CBLL1: variants seen among roughly 807,000 people sequenced by gnomAD.
The protein encoded by CBLL1 is Cbl proto-oncogene like 1, also known as E3 ubiquitin-protein ligase Hakai.
In CBLL1, 4 loss-of-function variants were observed where a neutral mutation model predicts 44.9. That is an observed-to-expected ratio of 0.09 (90% CI 0.04 to 0.20). The LOEUF (loss-of-function observed/expected upper bound fraction) is 0.20, where lower values mean the gene tolerates loss of function less well. CBLL1 is among the 10% of genes least tolerant of loss of function. The probability of loss-of-function intolerance (pLI) is 1.00; values close to 1 mark genes in which losing one functional copy is unlikely to be tolerated. For missense variants in CBLL1, 569 were observed against 636.7 expected (o/e 0.89, Z 1.14); for synonymous variants, 235 against 202.2 (o/e 1.16, Z -1.38).
chr7:107,749,010 A>C lies in CBLL1; in HGVS notation c.144A>C (p.Ile48=), dbSNP rs1047414566. 1.9e-6 allele frequency: 3 copies of C among 1,614,086 alleles called. No individual in the cohort carries two copies. Among genetic ancestry groups the C allele is most frequent in the African/African-American group, 2.7e-5 (2 of 74,948 alleles). ...AKPAPRTQRT[I]NRMPAKAPPG... ...CTGCACCGCGAACTCAAAGAACTATAAACAGGATGCCTGCAAAGGCTCCAC... is the reference window on the plus strand; with the variant it reads ...CTGCACCGCGAACTCAAAGAACTATCAACAGGATGCCTGCAAAGGCTCCAC... The change falls in exon 2 of 6, where the codon ATA becomes ATC. Residue 48 remains isoleucine (I), a synonymous_variant. Transcript: ENST00000440859.
rs3216898 is a variant in CBLL1, at chr7:107,752,446, CTGTGTG to C, written c.182-951_182-946del. On this transcript the variant is annotated intron_variant, in intron 2 of 5. Coordinates refer to ENST00000440859, the MANE Select transcript of CBLL1 (RefSeq NM_024814.4). ...TGTGTGTTAATGTGAATGTGTCTCT[CTGTGTG>C]TGTGTGTGTGTGTCTGTGTCTGTGT... 15 of 400,840 alleles carry C rather than the reference CTGTGTG, an allele frequency of 3.7e-5. No homozygotes were observed. In the East Asian group the frequency reaches 6.2e-4, roughly 17 times the overall value. The allele number at this position is 400,840 out of a possible 1,614,324, so 24.8% of individuals were successfully genotyped here.
intron 2 of CBLL1, among the ~76,000 whole-genome samples, chr7:107,750,718 G>C (rs940633484): frequency 2.0e-5 from 3 of 152,188 alleles, no homozygotes; most frequent in Admixed American, 6.5e-5. Flanking sequence ...TCTTACCCTT[G>C]ATTACAGGTT....
intron 2 of CBLL1, chr7:107,752,446 C>CTGTGTGTG (rs3216898): frequency 2.5e-6 from 1 of 400,728 alleles, no homozygotes; most frequent in Non-Finnish European, 4.6e-6. Context: ...ATGTGTCTCT[C>CTGTGTGTG]TGTGTGTGTG....
At chr7:107,746,611 A>G (rs755966842) in intron 1 of CBLL1, among the ~76,000 whole-genome samples, 4 of 152,264 alleles carry the variant, frequency 2.6e-5, no homozygotes, top group African/African-American at 9.6e-5. Context: ...TAATTGAAGA[A>G]TCATGACAGG....
intron 1 of CBLL1, among the ~76,000 whole-genome samples, chr7:107,746,340 G>T (rs1392400872): frequency 3.9e-5 from 6 of 152,144 alleles, no homozygotes; most frequent in Non-Finnish European, 5.9e-5. Context: ...TCACGAATGA[G>T]CTGACCACTT....
At chr7:107,757,027 A>G (rs1793556489) in intron 5 of CBLL1, among the ~76,000 whole-genome samples, 1 of 152,202 alleles carries the variant, frequency 6.6e-6, no homozygotes, top group Non-Finnish European at 1.5e-5. Flanking sequence ...CCAGATGGCC[A>G]CTAAAGGGAA....
Position 107,747,744 on chromosome 7 carries a change from T to C in CBLL1, c.14-1136T>C, listed in dbSNP as rs1407869921. On this transcript the variant is annotated intron_variant, in intron 1 of 5. Coordinates refer to ENST00000440859, the MANE Select transcript of CBLL1 (RefSeq NM_024814.4). ...TGTTTGGTATTTTGTTCAGAAAAAG[T>C]GCAAATGAATGTGAACTTATTGTGT... Among the ~76,000 whole-genome samples the C allele has an allele frequency of 3.3e-5, 5 of 152,314 alleles. No individual in the cohort carries two copies. In the East Asian group the frequency reaches 9.6e-4, roughly 29 times the overall value.
intron 1 of CBLL1, among the ~76,000 whole-genome samples, chr7:107,748,117 T>G (rs1218924966): frequency 6.6e-6 from 1 of 152,118 alleles, no homozygotes; most frequent in Non-Finnish European, 1.5e-5. Context: ...AAGAATTAAT[T>G]TATTCTATAG....
chr7:107,755,739 CAA>C (rs979800543), intron 5 of CBLL1: 1 of 260,202 alleles, frequency 3.8e-6, no homozygotes, highest in African/African-American at 2.2e-5. Flanking sequence ...TTATTATAAA[CAA>C]AAAAGTTACT....
At chr7:107,757,406 T>C (rs1435374913) in intron 5 of CBLL1, among the ~76,000 whole-genome samples, 4 of 152,156 alleles carry the variant, frequency 2.6e-5, no homozygotes, top group African/African-American at 9.7e-5. Flanking sequence ...TTCAGATTCC[T>C]ATTTCAGTCC....
In CBLL1 at chr7:107,759,166, G is replaced by A. The variant is rs368699284; in HGVS notation, c.1464G>A (p.Pro488=). The A allele has an allele frequency of 2.1e-5, 34 of 1,596,662 alleles. 1 individual carries two copies. The highest frequency in any genetic ancestry group is 1.5e-4 in the African/African-American group (11 of 74,274). The change falls in exon 6 of 6, where the codon CCG becomes CCA. Residue 488 remains proline (P), a synonymous_variant. Transcript: ENST00000440859. Reference sequence around the variant, plus strand: ...ATCCAGATCAGACAAGATATAGACCGTATTACCAATGATAATAGTATTTTG... The same window carrying A: ...ATCCAGATCAGACAAGATATAGACCATATTACCAATGATAATAGTATTTTG... ...PHHPDQTRYR[P]YYQ is the part of the protein sequence containing the mutation.
chr7:107,744,244 A>G, intron 1 of CBLL1, 68 bp downstream of exon 1: 3 of 1,476,826 alleles, frequency 2.0e-6, no homozygotes, highest in Non-Finnish European at 1.8e-6. Flanking sequence ...CTGGTCGCAC[A>G]GCAGGCAAAA....
intron 1 of CBLL1, among the ~76,000 whole-genome samples, chr7:107,745,699 G>T (rs546918002): frequency 4.6e-5 from 7 of 152,274 alleles, no homozygotes; most frequent in African/African-American, 1.7e-4. Context: ...AAATGAAGGA[G>T]AATGGGCAGC....
intron 5 of CBLL1, among the ~76,000 whole-genome samples, chr7:107,756,607 G>A (rs1482140100): frequency 3.9e-5 from 6 of 151,974 alleles, no homozygotes; most frequent in African/African-American, 1.4e-4. Flanking sequence ...TTGCTTCATC[G>A]GGATAAAGGA....
At chr7:107,753,375 T>C in intron 2 of CBLL1, 36 bp from the exon 3 acceptor site, 2 of 1,411,302 alleles carry the variant, frequency 1.4e-6, no homozygotes, top group Non-Finnish European at 1.9e-6. Flanking sequence ...AATTTGAGAT[T>C]TGGAAAGTTA....
chr7:107,758,214 G>C lies in CBLL1; in HGVS notation c.512G>C (p.Gly171Ala). 1 of 1,614,030 alleles carries C rather than the reference G, an allele frequency of 6.2e-7. No individual in the cohort carries two copies. The highest frequency in any genetic ancestry group is 8.5e-7 in the Non-Finnish European group (1 of 1,180,002). ...CTCTTCATGTGTAGCATTGTTCAAG[G>C]GTGCAAGAGAACATATTTGTCTCAG... ...GSLFMCSIVQ[G>A]CKRTYLSQRD... The change falls in exon 6 of 6, where the codon GGG becomes GCG. Residue 171 changes from glycine to alanine, a missense_variant. Gly to Ala is a moderately conservative substitution (Grantham distance 60). Transcript: ENST00000440859. This position sits in a 1 kb window ranked among gnomAD's most constrained non-coding sequence, Gnocchi z 4.2.
At chr7:107,754,019 C>A in intron 4 of CBLL1, 41 bp downstream of exon 4, 1 of 1,296,632 alleles carries the variant, frequency 7.7e-7, no homozygotes, top group Non-Finnish European at 1.1e-6. Flanking sequence ...TAAGCATTTG[C>A]ATAGAGGTGG....
At chr7:107,754,651 A>G (rs1356349058) in intron 4 of CBLL1, among the ~76,000 whole-genome samples, 1 of 152,188 alleles carries the variant, frequency 6.6e-6, no homozygotes, top group East Asian at 1.9e-4. Context: ...ACATCATTTA[A>G]TGTATCCTTC....
chr7:107,752,751 A>C (rs1793360723), intron 2 of CBLL1: 3 of 322,598 alleles, frequency 9.3e-6, no homozygotes, highest in South Asian at 8.5e-5. Flanking sequence ...CATATATCTT[A>C]AGTTTATTGA....
Sources: gnomAD v4.1 joint callset for allele counts (sites outside exome capture counted in the v4.1 genomes callset) on GRCh38, gnomAD v4.1.1 for gene constraint, Gnocchi (gnomAD v3.1) non-coding constraint, MANE v1.5 for transcripts, NCBI Gene and HGNC (gene_info 2026-07-23, HGNC 2026-07-21) for gene names.